The following LARGE1 variants were observed in gnomAD, a reference collection of about 807,000 sequenced individuals.
LARGE1 encodes the protein xylosyl- and glucuronyltransferase LARGE1.
Under a neutral mutation model 87.6 loss-of-function variants are expected in LARGE1, and 43 were observed. The ratio of observed to expected loss-of-function variants is 0.49; its 90% CI spans 0.38 to 0.63. The LOEUF is 0.63. Ranked by LOEUF, LARGE1 falls within the 30% of genes least tolerant of loss-of-function variation. The probability of loss-of-function intolerance (pLI) is 0.00; values close to 1 mark genes in which losing one functional copy is unlikely to be tolerated. For missense variants in LARGE1, 802 were observed against 1,000.2 expected (o/e 0.80, Z 2.67); for synonymous variants, 434 against 394.6 (o/e 1.10, Z -1.18).
chr22:33,657,445 C>T (rs908775155), intron 2 of LARGE1, among the ~76,000 whole-genome samples: 5 of 152,156 alleles, frequency 3.3e-5, no homozygotes, highest in African/African-American at 1.2e-4. Context: ...CTGTAAACAT[C>T]CAGAGAGTCA....
In LARGE1 at chr22:33,582,128, G is replaced by A. The variant is rs186946274; in HGVS notation, c.616-17109C>T. ...GAGACACTTTTGGTTGTCATGACTTGGGCACTGGGGTGCTACTGGATCCAG... is the reference window on the plus strand; with the variant it reads ...GAGACACTTTTGGTTGTCATGACTTAGGCACTGGGGTGCTACTGGATCCAG... On this transcript the variant is annotated intron_variant, in intron 5 of 14. Transcript: ENST00000397394. Among the ~76,000 whole-genome samples, 453 of 152,244 alleles carry A rather than the reference G, an allele frequency of 3.0e-3. 3 individuals are homozygous for A. The highest frequency in any genetic ancestry group is 0.01 in the African/African-American group (432 of 41,558).
chr22:33,283,160 G>C (rs761075830), intron 13 of LARGE1, 42 bp downstream of exon 13: 1 of 1,612,750 alleles, frequency 6.2e-7, no homozygotes, highest in East Asian at 2.2e-5. Context: ...GAGAAAGAAG[G>C]CCTTCGAGCA....
At chr22:33,636,620 T>C (rs530217545) in intron 3 of LARGE1, among the ~76,000 whole-genome samples, 11 of 152,168 alleles carry the variant, frequency 7.2e-5, no homozygotes, top group South Asian at 2.1e-4. Context: ...CTCAAATTCC[T>C]GGGCTCAAGC....
chr22:33,706,515 T>G (rs906510966), intron 2 of LARGE1, among the ~76,000 whole-genome samples: 2 of 152,216 alleles, frequency 1.3e-5, no homozygotes, highest in African/African-American at 2.4e-5. Context: ...CTCAATGTGT[T>G]ACCTGGGGTA....
At chr22:33,394,229 C>T (rs28711648) in intron 7 of LARGE1, among the ~76,000 whole-genome samples, 26,773 of 144,328 alleles carry the variant, frequency 0.19, 2,673 homozygotes, top group South Asian at 0.35. Flanking sequence ...GACAGAGTCT[C>T]GCTCTGTCAC....
At chr22:33,858,826 C>T (rs530368158) in intron 1 of LARGE1, among the ~76,000 whole-genome samples, 84 of 152,234 alleles carry the variant, frequency 5.5e-4, no homozygotes, top group African/African-American at 1.9e-3. Flanking sequence ...ATAAAGAAAA[C>T]GTGGCACATA....
chr22:33,599,785 C>G (rs1400527090), intron 5 of LARGE1, among the ~76,000 whole-genome samples: 1 of 152,208 alleles, frequency 6.6e-6, no homozygotes, highest in Non-Finnish European at 1.5e-5. Context: ...GGGAGGCCGT[C>G]ACGGGTGTCT....
intron 6 of LARGE1, among the ~76,000 whole-genome samples, chr22:33,471,184 T>C (rs1336775408): frequency 6.6e-6 from 1 of 151,962 alleles, no homozygotes; most frequent in African/African-American, 2.4e-5. Flanking sequence ...CACACTACCA[T>C]GCCCAGCTCA....
chr22:33,635,095 G>A (rs1215282889), intron 3 of LARGE1, among the ~76,000 whole-genome samples: 2 of 151,322 alleles, frequency 1.3e-5, no homozygotes, highest in Admixed American at 1.3e-4. Flanking sequence ...TCTAGCCTGG[G>A]TGACAGAGCA....
At chr22:33,507,036 G>A (rs971205983) in intron 6 of LARGE1, among the ~76,000 whole-genome samples, 11 of 152,238 alleles carry the variant, frequency 7.2e-5, no homozygotes, top group African/African-American at 2.7e-4. Context: ...TGAAGAGGGA[G>A]TGGGAAGAAG....
chr22:33,446,248 C>A (rs1284443846), intron 6 of LARGE1, among the ~76,000 whole-genome samples: 4 of 152,160 alleles, frequency 2.6e-5, no homozygotes, highest in Non-Finnish European at 5.9e-5. Context: ...CCACGCCCTG[C>A]CCCCATAGCT....
At chr22:33,152,579 T>C in the LARGE1 span, among the ~76,000 whole-genome samples, 2 of 152,100 alleles carry the variant, frequency 1.3e-5, no homozygotes, top group African/African-American at 4.8e-5. Context: ...TATATTTAAA[T>C]TTTTTAATGG....
At chr22:33,906,036 A>G (rs1340800432) in intron 1 of LARGE1, among the ~76,000 whole-genome samples, 1 of 152,196 alleles carries the variant, frequency 6.6e-6, no homozygotes, top group Admixed American at 6.5e-5. Context: ...AGGCTGAGAC[A>G]GGAGAATTGC....
chr22:33,401,743 G>A (rs2065932407), intron 7 of LARGE1, among the ~76,000 whole-genome samples: 1 of 152,194 alleles, frequency 6.6e-6, no homozygotes, highest in Non-Finnish European at 1.5e-5. Flanking sequence ...GGAGAGAAGG[G>A]TGCGATAAAA....
chr22:33,437,031 A>C (rs934017529), intron 6 of LARGE1, among the ~76,000 whole-genome samples: 1 of 152,102 alleles, frequency 6.6e-6, no homozygotes, highest in Non-Finnish European at 1.5e-5. Flanking sequence ...TGGGGAAATA[A>C]TATATTAATT....
intron 9 of LARGE1, among the ~76,000 whole-genome samples, chr22:33,380,748 TTTTTCC>T (rs1342598480): frequency 2.0e-5 from 3 of 152,242 alleles, no homozygotes; most frequent in Non-Finnish European, 4.4e-5. Flanking sequence ...TTTGCAATCC[TTTTTCC>T]TTTTTAAAAC....
the LARGE1 span, among the ~76,000 whole-genome samples, chr22:33,130,591 T>A: frequency 6.6e-6 from 1 of 152,070 alleles, no homozygotes; most frequent in African/African-American, 2.4e-5. Flanking sequence ...GAAAAACAAA[T>A]GCCACTTGCC....
chr22:33,661,372 C>T (rs1339828669), intron 2 of LARGE1, among the ~76,000 whole-genome samples: 1 of 151,988 alleles, frequency 6.6e-6, no homozygotes, highest in Non-Finnish European at 1.5e-5. Context: ...CGCCACCATG[C>T]TTGGCTAATT....
chr22:33,621,148 A>G (rs1303326614), intron 4 of LARGE1, among the ~76,000 whole-genome samples: 2 of 152,176 alleles, frequency 1.3e-5, no homozygotes, highest in African/African-American at 4.8e-5. Context: ...CATACTTTTC[A>G]AAACTGAGTA....
Sources: allele counts gnomAD v4.1 joint callset (sites outside exome capture counted in the v4.1 genomes callset), GRCh38; gene constraint gnomAD v4.1.1; transcripts MANE v1.5; gene names NCBI Gene and HGNC (gene_info 2026-07-23, HGNC 2026-07-21).